The following TRAPPC3 variants were observed in gnomAD, a reference collection of about 807,000 sequenced individuals.
TRAPPC3 encodes the protein trafficking protein particle complex 3.
TRAPPC3 carries 5 observed loss-of-function variants against 18.2 expected under a neutral mutation model. The observed-to-expected ratio is 0.28, with a 90% confidence interval of 0.14 to 0.58. TRAPPC3 has a LOEUF of 0.58. Among genes scored for constraint, TRAPPC3 ranks in the 20% least tolerant of loss-of-function variants. The probability of loss-of-function intolerance (pLI) is 0.91; values close to 1 mark genes in which losing one functional copy is unlikely to be tolerated. For synonymous variants in TRAPPC3, 65 were observed against 84.2 expected (o/e 0.77, Z 1.25); for missense variants, 176 against 225.9 (o/e 0.78, Z 1.41).
At chr1:36,138,039 G>A in intron 3 of TRAPPC3, 61 bp from the exon 4 acceptor site, 2 of 1,609,708 alleles carry the variant, frequency 1.2e-6, no homozygotes, top group South Asian at 2.2e-5. Flanking sequence ...CCACAGGGAA[G>A]GTGACAGAAC....
intron 1 of TRAPPC3, among the ~76,000 whole-genome samples, chr1:36,154,937 C>T (rs1364938072): frequency 6.6e-6 from 1 of 152,154 alleles, no homozygotes; most frequent in East Asian, 1.9e-4. Context: ...GTCCAAGCCC[C>T]CAGATACGCA....
chr1:36,143,680 C>A (rs1420281818), intron 1 of TRAPPC3, among the ~76,000 whole-genome samples: 1 of 152,172 alleles, frequency 6.6e-6, no homozygotes, highest in East Asian at 1.9e-4. Flanking sequence ...CTCATAACAA[C>A]CACGAGAGGT....
chr1:36,139,754 T>C lies in TRAPPC3; in HGVS notation c.206A>G (p.His69Arg). The change falls in exon 3 of 5, where the codon CAT (histidine) becomes CGT (arginine). Residue 69 changes from histidine (H) to arginine (R), a missense_variant. By Grantham distance (29) the His-to-Arg change is conservative. This residue lies in a region of TRAPPC3 where 147 missense variants were observed against 164.3 expected (regional missense o/e 0.89). Transcript: ENST00000373166. ...GACATCCGCAGTTTCCCGAAAGTCA[T>C]GGCACCTCCCAACATTTGACCGAGC... The part of the protein sequence containing the change: ...FLARSNVGRC[H>R]DFRETADVIA... 6.2e-7 allele frequency: 1 copy of C among 1,614,104 alleles called. No individual in the cohort carries two copies. Among genetic ancestry groups the C allele is most frequent in the Non-Finnish European group, 8.5e-7 (1 of 1,180,026 alleles).
intron 1 of TRAPPC3, among the ~76,000 whole-genome samples, chr1:36,147,988 G>A (rs1381882802): frequency 6.6e-6 from 1 of 152,168 alleles, no homozygotes; most frequent in East Asian, 1.9e-4. Flanking sequence ...CATCTCATAG[G>A]AAAAGGAGAA....
At position 36,137,380 on chromosome 1, in the gene TRAPPC3, A is replaced by T. The variant is rs1429494323; in HGVS notation, c.424-58T>A. The T allele has an allele frequency of 1.9e-6, 3 of 1,575,100 alleles. No individual in the cohort carries two copies. In the African/African-American group the frequency reaches 4.0e-5, roughly 21 times the overall value. On this transcript the variant is annotated intron_variant, in intron 4 of 4. Transcript: ENST00000373166. ...GCCTGGCCACAGCCTCTAGGGAACC[A>T]GTGGGGATGGGGCATAACTGACTCA...
At chr1:36,151,410 T>A (rs1426044530), upstream of TRAPPC3, among the ~76,000 whole-genome samples, 1 of 151,684 alleles carries the variant, frequency 6.6e-6, no homozygotes, top group Non-Finnish European at 1.5e-5. Flanking sequence ...GCCACTCTTT[T>A]GTTTATTTAC....
intron 1 of TRAPPC3, among the ~76,000 whole-genome samples, chr1:36,147,225 A>G (rs1644214269): frequency 6.6e-6 from 1 of 152,116 alleles, no homozygotes; most frequent in Admixed American, 6.6e-5. Context: ...CGGGAGGCTG[A>G]GGCAGGAGAA....
chr1:36,144,194 A>C (rs1644157836), intron 1 of TRAPPC3, among the ~76,000 whole-genome samples: 1 of 148,154 alleles, frequency 6.7e-6, no homozygotes. Context: ...AGGCTGTGGC[A>C]GGAGAATTGC....
chr1:36,141,595 G>C (rs1298235396), intron 1 of TRAPPC3, among the ~76,000 whole-genome samples: 1 of 152,158 alleles, frequency 6.6e-6, no homozygotes, highest in Non-Finnish European at 1.5e-5. Flanking sequence ...TGATAACACA[G>C]TAATCCAGGA....
In TRAPPC3 at chr1:36,140,294, C is replaced by T. The variant is rs1424449994; in HGVS notation, c.43-128G>A. Reference sequence around the variant, plus strand: ...TGTGTCTGGAGGGAAAGAACATCATCCCCTTTGGAGGAGCCAGGAAATTTG... The same window carrying T: ...TGTGTCTGGAGGGAAAGAACATCATTCCCTTTGGAGGAGCCAGGAAATTTG... On this transcript the variant is annotated intron_variant, in intron 1 of 4. Transcript: ENST00000373166. 3 of 604,620 alleles carry T rather than the reference C, an allele frequency of 5.0e-6. No homozygotes were observed. The East Asian group carries it at 9.5e-5, about 19-fold the overall frequency. The allele number at this position is 604,620 out of a possible 1,614,324, so 37.5% of individuals were successfully genotyped here. A position where few individuals can be genotyped will look rare whatever the true frequency, so the allele number is the denominator to read the frequency against.
Position 36,138,371 on chromosome 1 carries a change from C to G in TRAPPC3, c.241-393G>C, listed in dbSNP as rs1644057110. 3 of 976,664 alleles carry G rather than the reference C, an allele frequency of 3.1e-6. No homozygotes were observed. The East Asian group carries it at 7.8e-5, about 26-fold the overall frequency. The allele number at this position is 976,664 out of a possible 1,614,324, so 60.5% of individuals were successfully genotyped here. ...ACTTCTCTGTCCTCTGTCTGTGCTA[C>G]CTGAATGCACCTTCTTGAAAGTGAA... is the stretch of plus-strand genomic sequence containing the variant. On this transcript the variant is annotated intron_variant, in intron 3 of 4. Transcript: ENST00000373166.
chr1:36,149,680 T>A (rs2231307), upstream of TRAPPC3, among the ~76,000 whole-genome samples: 2,416 of 152,350 alleles, frequency 0.016, 146 homozygotes, highest in East Asian at 0.21. Flanking sequence ...CAGCTTGCGC[T>A]GGGCAGCATC....
chr1:36,153,931 C>T (rs768872302), upstream of TRAPPC3, among the ~76,000 whole-genome samples: 2 of 152,180 alleles, frequency 1.3e-5, no homozygotes, highest in Admixed American at 6.5e-5. Flanking sequence ...AGTCCTCCTA[C>T]GTGGGCTGTC....
intron 1 of TRAPPC3, among the ~76,000 whole-genome samples, chr1:36,146,437 C>T (rs1644201204): frequency 6.6e-6 from 1 of 151,732 alleles, no homozygotes; most frequent in Non-Finnish European, 1.5e-5. Flanking sequence ...GCTGGGACTA[C>T]AGACGCCCGC....
At chr1:36,142,035 A>G (rs1035853547) in intron 1 of TRAPPC3, among the ~76,000 whole-genome samples, 8 of 151,762 alleles carry the variant, frequency 5.3e-5, no homozygotes, top group Admixed American at 3.3e-4. Flanking sequence ...ATTTGGGGAG[A>G]AAAAAAATCA....
intron 1 of TRAPPC3, among the ~76,000 whole-genome samples, chr1:36,143,685 A>G (rs1440530036): frequency 6.6e-6 from 1 of 152,222 alleles, no homozygotes; most frequent in Non-Finnish European, 1.5e-5. Flanking sequence ...AACAACCACG[A>G]GAGGTTAGCA....
At position 36,138,303 on chromosome 1, in the gene TRAPPC3, G is replaced by A. The variant is rs1470335779; in HGVS notation, c.241-325C>T. The A allele has an allele frequency of 3.5e-5, 53 of 1,521,506 alleles. No individual in the cohort carries two copies. In the Admixed American group the frequency reaches 9.3e-4, roughly 27 times the overall value. The allele number at this position is 1,521,506 out of a possible 1,614,324, so 94.3% of individuals were successfully genotyped here. A position where few individuals can be genotyped will look rare whatever the true frequency, so the allele number is the denominator to read the frequency against. ...TACTTCTCAGTGGAAGGGAGCACTA[G>A]TCTTTCGACACGGTGGCTGCCTGAG... On this transcript the variant is annotated intron_variant, in intron 3 of 4. Coordinates refer to ENST00000373166, the MANE Select transcript of TRAPPC3 (RefSeq NM_014408.5).
upstream of TRAPPC3, among the ~76,000 whole-genome samples, chr1:36,154,147 G>A (rs897718049): frequency 1.3e-5 from 2 of 152,100 alleles, no homozygotes; most frequent in African/African-American, 4.8e-5. Context: ...TGGGATTACA[G>A]GCACCCACCA....
At chr1:36,141,567 A>G (rs1238461570) in intron 1 of TRAPPC3, among the ~76,000 whole-genome samples, 12 of 152,206 alleles carry the variant, frequency 7.9e-5, no homozygotes, top group Non-Finnish European at 5.9e-5. Flanking sequence ...TTCTACTTGT[A>G]TCTCATTATC....
Sources: gnomAD v4.1 joint callset for allele counts (sites outside exome capture counted in the v4.1 genomes callset) on GRCh38, gnomAD v4.1.1 for gene constraint, gnomAD v4.1.1 regional missense constraint, MANE v1.5 for transcripts, NCBI Gene and HGNC (gene_info 2026-07-23, HGNC 2026-07-21) for gene names.